The following USP9X variants were observed in gnomAD, a reference collection of about 807,000 sequenced individuals.
The protein encoded by USP9X is ubiquitin carboxyl-terminal hydrolase 9X.
A neutral mutation model predicts 190.3 loss-of-function variants in USP9X; 7 were observed. That is an observed-to-expected ratio of 0.04 (90% confidence interval 0.02 to 0.07). The LOEUF is 0.07. Ranked by LOEUF, USP9X falls within the 10% of genes least tolerant of loss-of-function variation. The probability of loss-of-function intolerance (pLI) is 1.00; values close to 1 mark genes in which losing one functional copy is unlikely to be tolerated. For synonymous variants in USP9X, 645 were observed against 659.5 expected (o/e 0.98, Z 0.34); for missense variants, 1,010 against 1,916.9 (o/e 0.53, Z 8.83).
intron 20 of USP9X, chrX:41,171,591 G>A (rs1401751036): frequency 1.6e-5 from 6 of 377,914 alleles, no homozygotes; most frequent in Non-Finnish European, 2.9e-5. Context: ...GTATATATGA[G>A]AGAAATGGTT....
intron 18 of USP9X, among the ~76,000 whole-genome samples, 191 bp downstream of exon 18, chrX:41,168,409 T>G (rs1461506363): frequency 2.7e-5 from 3 of 112,408 alleles, no homozygotes; most frequent in African/African-American, 9.7e-5. Flanking sequence ...TTTGGTTTTT[T>G]GGGTGAGGCA....
At chrX:41,158,630 C>T (rs2062600380) in intron 14 of USP9X, among the ~76,000 whole-genome samples, 2 of 111,002 alleles carry the variant, frequency 1.8e-5, no homozygotes, top group African/African-American at 6.6e-5. Flanking sequence ...CAGAGTGTTC[C>T]GAATTTGCAG....
At chrX:41,100,753 TCTC>T (rs1473504512) in intron 1 of USP9X, among the ~76,000 whole-genome samples, 74 of 111,206 alleles carry the variant, frequency 6.7e-4, no homozygotes, top group African/African-American at 2.3e-3. Flanking sequence ...TTCAAGCAAT[TCTC>T]CTACCTCAGC....
chrX:41,150,721 G>A (rs1264305774), intron 12 of USP9X, among the ~76,000 whole-genome samples, 200 bp from the exon 13 acceptor site: 5 of 111,763 alleles, frequency 4.5e-5, no homozygotes, highest in Non-Finnish European at 5.6e-5. Context: ...GGGCTTTTTG[G>A]AGTTCTGGTA....
Position 41,140,791 on chromosome X carries a change from C to T in USP9X, c.770+20C>T, listed in dbSNP as rs1484894361. The T allele has an allele frequency of 8.6e-7, 1 of 1,163,104 alleles. No individual in the cohort carries two copies. The highest frequency in any genetic ancestry group is 2.5e-5 in the Admixed American group (1 of 40,706). On this transcript the variant is annotated intron_variant, in intron 7 of 44. Coordinates refer to ENST00000378308, the MANE Select transcript of USP9X (RefSeq NM_001039591.3). ...TATTAAGTAAGTTACATTTAAAAAT[C>T]AATGGTTAGTGCACCGTAGAATTGC...
intron 32 of USP9X, among the ~76,000 whole-genome samples, chrX:41,207,282 G>T (rs1418664850): frequency 1.8e-5 from 2 of 108,125 alleles, no homozygotes; most frequent in African/African-American, 6.8e-5. Flanking sequence ...ATAGGGTTTC[G>T]CCGTGTTGGC....
At chrX:41,089,300 A>G (rs769679206) in intron 1 of USP9X, among the ~76,000 whole-genome samples, 1 of 112,347 alleles carries the variant, frequency 8.9e-6, no homozygotes, top group South Asian at 3.6e-4. Context: ...TGCTTCGACT[A>G]CTGTGCTATG....
chrX:41,125,899 G>A (rs1301678736), intron 2 of USP9X, among the ~76,000 whole-genome samples: 1 of 110,962 alleles, frequency 9.0e-6, no homozygotes, highest in Non-Finnish European at 1.9e-5. Context: ...TAAAACTTAC[G>A]ATGTACAGCT....
rs1236930565 is a variant in USP9X, at chrX:41,209,125, TAC to T, written c.5016-1382_5016-1381del. Among the ~76,000 whole-genome samples the T allele has an allele frequency of 4.5e-5, 5 of 111,977 alleles. No individual in the cohort carries two copies. The Admixed American group carries it at 4.8e-4, about 11-fold the overall frequency. ...AGGCAATTTTCCTACTTATGTATGATACAGTTATATCCAAGTAATATAATAAC... is the reference window on the plus strand; with the variant it reads ...AGGCAATTTTCCTACTTATGTATGATAGTTATATCCAAGTAATATAATAAC... On this transcript the variant is annotated intron_variant, in intron 32 of 44. Coordinates refer to ENST00000378308, the MANE Select transcript of USP9X (RefSeq NM_001039591.3).
chrX:41,125,380 ATT>A (rs35160092), intron 2 of USP9X, among the ~76,000 whole-genome samples: 100 of 100,060 alleles, frequency 1.0e-3, no homozygotes, highest in African/African-American at 8.7e-4. Context: ...CGGCCGATCC[ATT>A]TTTTTTTTTT....
rs1360836989 is a variant in USP9X at position 41,148,382 on chromosome X, A to G, written c.1433A>G (p.Asn478Ser). ...ATTTTTTTCTAGGCCAGTTGGACAA[A>G]TGCGAGTAAAAAGCAACGTGAAAAG... The part of the protein sequence containing the change: ...LFDCFKASWT[N>S]ASKKQREKLL... Residue 478 changes from asparagine to serine, a missense_variant, in exon 12 of 45, where the codon AAT becomes AGT. Transcript: ENST00000378308. The G allele has an allele frequency of 1.7e-6, 2 of 1,210,001 alleles. No homozygotes were observed. Among genetic ancestry groups the G allele is most frequent in the African/African-American group, 3.5e-5 (2 of 57,145 alleles).
intron 33 of USP9X, 72 bp downstream of exon 33, chrX:41,210,754 G>C: frequency 9.9e-7 from 1 of 1,006,955 alleles, no homozygotes; most frequent in Non-Finnish European, 1.4e-6. Context: ...ATTTTTACTA[G>C]TACTTACATA....
chrX:41,099,307 A>G (rs1005220725), intron 1 of USP9X, among the ~76,000 whole-genome samples: 9 of 108,699 alleles, frequency 8.3e-5, no homozygotes, highest in African/African-American at 3.0e-4. Context: ...ACTTTTGTAT[A>G]TGTCTTTTGG....
intron 26 of USP9X, among the ~76,000 whole-genome samples, chrX:41,195,046 C>CTTTCTTTTTTTTTTT (rs1555928871): frequency 9.6e-6 from 1 of 104,686 alleles, no homozygotes; most frequent in Admixed American, 1.1e-4. Context: ...TTTTTTCTTT[C>CTTTCTTTTTTTTTTT]TTTTTTTTGG....
intron 24 of USP9X, among the ~76,000 whole-genome samples, chrX:41,186,859 C>T (rs1359783801): frequency 1.9e-5 from 2 of 106,777 alleles, no homozygotes; most frequent in African/African-American, 3.4e-5. Context: ...CGGAGTCTCA[C>T]TCTGTTGCCC....
chrX:41,122,705 C>T (rs1294908486), intron 1 of USP9X, among the ~76,000 whole-genome samples: 3 of 112,010 alleles, frequency 2.7e-5, no homozygotes, highest in East Asian at 2.8e-4. Flanking sequence ...TAGGGCATCC[C>T]GAGTTCTTTT....
chrX:41,215,850 C>G, intron 34 of USP9X, 49 bp from the exon 35 acceptor site: 1 of 994,218 alleles, frequency 1.0e-6, no homozygotes. Context: ...TTTTTTTTTT[C>G]CTGTGGATTT....
At chrX:41,097,379 A>G (rs1383511017) in intron 1 of USP9X, among the ~76,000 whole-genome samples, 1 of 111,685 alleles carries the variant, frequency 9.0e-6, no homozygotes, top group East Asian at 2.8e-4. Context: ...CTCATTTCTT[A>G]TTTTACTGTA....
intron 31 of USP9X, 47 bp from the exon 32 acceptor site, chrX:41,205,256 G>A (rs201887606): frequency 5.2e-5 from 51 of 981,733 alleles, no homozygotes; most frequent in Middle Eastern, 3.2e-4. Context: ...TTGTCTCAAC[G>A]TATTTTATTA....
Sources: gnomAD v4.1 joint callset for allele counts (sites outside exome capture counted in the v4.1 genomes callset) on GRCh38, gnomAD v4.1.1 for gene constraint, MANE v1.5 for transcripts, NCBI Gene and HGNC (gene_info 2026-07-23, HGNC 2026-07-21) for gene names.